STAT2: variants seen among roughly 807,000 people sequenced by gnomAD.
STAT2 encodes the protein signal transducer and activator of transcription 2.
Under a neutral mutation model 122.3 loss-of-function variants are expected in STAT2, and 51 were observed. The ratio of observed to expected loss-of-function variants is 0.42; its 90% CI spans 0.33 to 0.53. The LOEUF (loss-of-function observed/expected upper bound fraction) is 0.53, where lower values mean the gene tolerates loss of function less well. STAT2 is among the 20% of genes least tolerant of loss of function. The pLI, the probability that STAT2 is intolerant of heterozygous loss-of-function variation, is 0.10. For missense variants in STAT2, 736 were observed against 1,010.3 expected (o/e 0.73, Z 3.68); for synonymous variants, 351 against 394.9 (o/e 0.89, Z 1.32).
rs1385701550 is a variant in STAT2, at chr12:56,356,644, G to A, written c.-7-66C>T. The A allele has an allele frequency of 3.2e-6, 5 of 1,566,906 alleles. No homozygotes were observed. The African/African-American group carries it at 5.5e-5, about 17-fold the overall frequency. ...TGGACTAAATCATCCATAGTTTCAT[G>A]ATTGTTCATTATTACTAATTTAAAA... On this transcript the variant is annotated intron_variant, in intron 1 of 23. Coordinates refer to ENST00000314128, the MANE Select transcript of STAT2 (RefSeq NM_005419.4).
chr12:56,352,998 T>G (rs1878783888), intron 8 of STAT2, among the ~76,000 whole-genome samples: 1 of 152,080 alleles, frequency 6.6e-6, no homozygotes, highest in Non-Finnish European at 1.5e-5. Flanking sequence ...TTTTTTTTTT[T>G]TTTGAGACGG....
chr12:56,348,439 C>G, intron 19 of STAT2, 90 bp downstream of exon 19: 1 of 1,369,338 alleles, frequency 7.3e-7, no homozygotes, highest in African/African-American at 1.4e-5. Flanking sequence ...TCTTTGCTCT[C>G]TCTCCCTGCT....
Position 56,356,273 on chromosome 12 carries a change from T to A in STAT2, c.144A>T (p.Ala48=), listed in dbSNP as rs748197364. ...TAGCCTTGGAATCATCACTCCCAAGTGCAGCTTCCTGCCTGGGCACCAGGA... is the reference window on the plus strand; with the variant it reads ...TAGCCTTGGAATCATCACTCCCAAGAGCAGCTTCCTGCCTGGGCACCAGGA... ...WIEDQNWQEA[A]LGSDDSKATM... The change falls in exon 3 of 24, where the codon GCA becomes GCT. Residue 48 remains alanine (A), a synonymous_variant. Transcript: ENST00000314128. The A allele has an allele frequency of 1.2e-5, 20 of 1,611,418 alleles. No homozygotes were observed. The highest frequency in any genetic ancestry group is 1.6e-5 in the Non-Finnish European group (19 of 1,180,004).
chr12:56,346,562 T>G lies in STAT2; in HGVS notation c.1924A>C (p.Thr642Pro). Residue 642 changes from threonine to proline, a missense_variant, in exon 21 of 24, where the codon ACT becomes CCT. Transcript: ENST00000314128. Reference sequence around the variant, plus strand: ...AACTGGTAATGGCGGATGATTTCAGTCAGCGGGAGTGACTGCAGCACCTCC... The same window carrying G: ...AACTGGTAATGGCGGATGATTTCAGGCAGCGGGAGTGACTGCAGCACCTCC... ...TKEVLQSLPL[T>P]EIIRHYQLLT... 6.2e-7 allele frequency: 1 copy of G among 1,614,166 alleles called. No homozygotes were observed. Among genetic ancestry groups the G allele is most frequent in the Non-Finnish European group, 8.5e-7 (1 of 1,180,030 alleles).
chr12:56,355,041 C>A, intron 6 of STAT2, 178 bp from the exon 7 acceptor site: 1 of 733,120 alleles, frequency 1.4e-6, no homozygotes, highest in East Asian at 2.7e-5. Context: ...CCAGACACCC[C>A]CTCAAATAAA....
Position 56,346,133 on chromosome 12 carries a change from G to T in STAT2, c.2102+13C>A. 1 of 1,614,068 alleles carries T rather than the reference G, an allele frequency of 6.2e-7. No homozygotes were observed. The highest frequency in any genetic ancestry group is 8.5e-7 in the Non-Finnish European group (1 of 1,179,978). ...AAGGATTAGGGAGGATGAATGAAGA[G>T]TTCATATCTCACCTATTAGAGACCA... On this transcript the variant is annotated intron_variant, in intron 22 of 23. Coordinates refer to ENST00000314128, the MANE Select transcript of STAT2 (RefSeq NM_005419.4).
At chr12:56,356,339 G>C in intron 2 of STAT2, 54 bp from the exon 3 acceptor site, 1 of 1,606,002 alleles carries the variant, frequency 6.2e-7, no homozygotes, top group Non-Finnish European at 8.5e-7. Context: ...CTGTAGTCCT[G>C]AGGCTTTCCA....
intron 8 of STAT2, among the ~76,000 whole-genome samples, chr12:56,352,073 A>T (rs1592480270): frequency 6.6e-6 from 1 of 151,900 alleles, no homozygotes; most frequent in African/African-American, 2.4e-5. Flanking sequence ...ATATATATAT[A>T]TTTTTAGTAG....
At position 56,350,864 on chromosome 12, in the gene STAT2, G is replaced by A. The variant is rs867963802; in HGVS notation, c.1059C>T (p.Gly353=). Reference sequence around the variant, plus strand: ...AGACTTCCACAGTCAGTGACTCATTGCCTTCCTGGAGTCTCACCAGCAGCC... The same window carrying A: ...AGACTTCCACAGTCAGTGACTCATTACCTTCCTGGAGTCTCACCAGCAGCC... ...RTRLLVRLQE[G]NESLTVEVSI... The change falls in exon 11 of 24, where the codon GGC becomes GGT. Residue 353 remains glycine (G), a synonymous_variant. Transcript: ENST00000314128. 5 of 1,614,110 alleles carry A rather than the reference G, an allele frequency of 3.1e-6. No individual in the cohort carries two copies. In the Middle Eastern group the frequency reaches 8.3e-4, roughly 267 times the overall value.
intron 1 of STAT2, among the ~76,000 whole-genome samples, chr12:56,357,421 A>G (rs1879683211): frequency 1.3e-5 from 2 of 148,888 alleles, no homozygotes; most frequent in African/African-American, 5.0e-5. Flanking sequence ...GCTCACTGCA[A>G]GCTCCGCCTC....
chr12:56,348,333 C>T (rs544081482), intron 19 of STAT2, among the ~76,000 whole-genome samples, 196 bp downstream of exon 19: 67 of 151,986 alleles, frequency 4.4e-4, no homozygotes, highest in African/African-American at 1.6e-3. Context: ...ATGATCCGCC[C>T]GCCTCGGCCT....
chr12:56,354,674 T>C, intron 7 of STAT2, 60 bp from the exon 8 acceptor site: 1 of 1,612,642 alleles, frequency 6.2e-7, no homozygotes, highest in Non-Finnish European at 8.5e-7. Context: ...ACCACCCAAC[T>C]GGGGATGAAG....
chr12:56,360,022 CACCCCT>C, intron 1 of STAT2, 30 bp downstream of exon 1: 6 of 984,002 alleles, frequency 6.1e-6, no homozygotes, highest in Non-Finnish European at 7.2e-6. Flanking sequence ...CTCTCACCCC[CACCCCT>C]ACCCCAGCAC....
chr12:56,358,452 T>C (rs2136100099), intron 1 of STAT2, among the ~76,000 whole-genome samples: 1 of 152,070 alleles, frequency 6.6e-6, no homozygotes, highest in Middle Eastern at 3.4e-3. Context: ...CACCATATTG[T>C]CCAGGCTGGT....
At chr12:56,357,566 C>T (rs1178809502) in intron 1 of STAT2, among the ~76,000 whole-genome samples, 1 of 151,866 alleles carries the variant, frequency 6.6e-6, no homozygotes, top group Non-Finnish European at 1.5e-5. Context: ...AGGATGGTCT[C>T]GATCTCCTGA....
rs1565658429 is a variant in STAT2, at chr12:56,354,618, G to A, written c.634-4C>T. 1.2e-6 allele frequency: 2 copies of A among 1,613,964 alleles called. No individual in the cohort carries two copies. The highest frequency in any genetic ancestry group is 1.7e-6 in the Non-Finnish European group (2 of 1,180,016). On this transcript the variant is annotated splice_polypyrimidine_tract_variant and splice_region_variant and intron_variant, in intron 7 of 23. Coordinates refer to ENST00000314128, the MANE Select transcript of STAT2 (RefSeq NM_005419.4). ...CTTTGGAGGCATCCAGCACCTCCTG[G>A]GAAAGAGATAATGTGAGTGTTGAGC... is the stretch of plus-strand genomic sequence containing the variant.
At chr12:56,347,781 C>T (rs376910394) in intron 19 of STAT2, among the ~76,000 whole-genome samples, 7 of 152,228 alleles carry the variant, frequency 4.6e-5, no homozygotes, top group African/African-American at 1.7e-4. Flanking sequence ...GGATTACAGG[C>T]GTGAGCCATC....
intron 8 of STAT2, among the ~76,000 whole-genome samples, chr12:56,354,016 AATATATATATAT>A (rs1555171512): frequency 3.0e-4 from 5 of 16,698 alleles, no homozygotes; most frequent in Non-Finnish European, 6.5e-4. Flanking sequence ...AAAAAAAAAA[AATATATATATAT>A]ATATATATAT....
intron 22 of STAT2, among the ~76,000 whole-genome samples, chr12:56,345,172 CAAAAAAAAA>C (rs35648397): frequency 3.7e-5 from 1 of 27,146 alleles, no homozygotes; most frequent in Non-Finnish European, 6.4e-5. Flanking sequence ...GAGACTGTCT[CAAAAAAAAA>C]AAAAAAAAAA....
Sources: gnomAD v4.1 joint callset for allele counts (sites outside exome capture counted in the v4.1 genomes callset) on GRCh38, gnomAD v4.1.1 for gene constraint, MANE v1.5 for transcripts, NCBI Gene and HGNC (gene_info 2026-07-23, HGNC 2026-07-21) for gene names.